RAB3GAP2: variants seen among roughly 807,000 people sequenced by gnomAD.
RAB3GAP2 encodes rab3 GTPase-activating protein non-catalytic subunit.
In RAB3GAP2, 87 loss-of-function variants were observed where a neutral mutation model predicts 185.3. The observed-to-expected ratio is 0.47, with a 90% CI of 0.39 to 0.56. The LOEUF is 0.56. Ranked by LOEUF, RAB3GAP2 falls within the 20% of genes least tolerant of loss-of-function variation. The pLI, the probability that RAB3GAP2 is intolerant of heterozygous loss-of-function variation, is 0.00. For missense variants in RAB3GAP2, 1,492 were observed against 1,638.2 expected (o/e 0.91, Z 1.54); for synonymous variants, 554 against 576.1 (o/e 0.96, Z 0.55).
At chr1:220,256,958 C>T (rs912859679) in intron 1 of RAB3GAP2, among the ~76,000 whole-genome samples, 5 of 152,196 alleles carry the variant, frequency 3.3e-5, no homozygotes, top group South Asian at 2.1e-4. Context: ...TTTCTCACCA[C>T]CACATGACAC....
chr1:220,159,518 G>A (rs1025613771), intron 28 of RAB3GAP2, 97 bp from the exon 29 acceptor site: 15 of 910,454 alleles, frequency 1.6e-5, no homozygotes, highest in African/African-American at 5.1e-5. Flanking sequence ...TTTAAAAACC[G>A]TAAATGGCGC....
intron 2 of RAB3GAP2, among the ~76,000 whole-genome samples, chr1:220,227,945 GT>G (rs1215889861): frequency 6.6e-6 from 1 of 152,162 alleles, no homozygotes; most frequent in African/African-American, 2.4e-5. Flanking sequence ...TAGAGACAGG[GT>G]TTTGCCACGT....
In RAB3GAP2 at chr1:220,210,854, A is replaced by G; in HGVS notation, c.457T>C (p.Trp153Arg). The change falls in exon 6 of 35, where the codon TGG (tryptophan) becomes CGG (arginine). Residue 153 changes from tryptophan (W) to arginine (R), a missense_variant. Physicochemically the swap from Trp to Arg is moderately radical, Grantham distance 101. Transcript: ENST00000358951. ...QKRSSTGRPD[W>R]TCIVVGFTSG... ...GTAAAACCCACCACAATGCAGGTCCAGTCAGGACGCCCAGTGGAACTCCTG... is the reference window on the plus strand; with the variant it reads ...GTAAAACCCACCACAATGCAGGTCCGGTCAGGACGCCCAGTGGAACTCCTG... 6.2e-7 allele frequency: 1 copy of G among 1,613,910 alleles called. No individual in the cohort carries two copies.
At chr1:220,197,366 C>T (rs1000872671) in intron 9 of RAB3GAP2, among the ~76,000 whole-genome samples, 7 of 152,126 alleles carry the variant, frequency 4.6e-5, no homozygotes, top group African/African-American at 1.4e-4. Flanking sequence ...TGCCTGAAAA[C>T]TGTCAAAAAA....
intron 1 of RAB3GAP2, among the ~76,000 whole-genome samples, chr1:220,244,788 T>A (rs1250073471): frequency 6.6e-6 from 1 of 151,912 alleles, no homozygotes; most frequent in African/African-American, 2.4e-5. Flanking sequence ...CAAAGCAGAA[T>A]GACAATGGAT....
At chr1:220,213,365 C>T (rs77635521) in intron 3 of RAB3GAP2, among the ~76,000 whole-genome samples, 10,475 of 152,072 alleles carry the variant, frequency 0.069, 480 homozygotes, top group South Asian at 0.12. Flanking sequence ...ATTTTACACA[C>T]AATCTTACTT....
intron 1 of RAB3GAP2, among the ~76,000 whole-genome samples, chr1:220,241,406 CTT>C (rs1659694635): frequency 6.6e-6 from 1 of 151,920 alleles, no homozygotes; most frequent in Admixed American, 6.6e-5. Flanking sequence ...AATAAAAGAT[CTT>C]AGTACAGAAG....
At chr1:220,234,045 A>G (rs1378624689) in intron 1 of RAB3GAP2, among the ~76,000 whole-genome samples, 1 of 152,198 alleles carries the variant, frequency 6.6e-6, no homozygotes, top group South Asian at 2.1e-4. Flanking sequence ...TCAAATCCTG[A>G]TCTAGCACTT....
chr1:220,255,243 T>G (rs978704342), intron 1 of RAB3GAP2, among the ~76,000 whole-genome samples: 28 of 148,958 alleles, frequency 1.9e-4, no homozygotes, highest in African/African-American at 6.9e-4. Context: ...AACAACAACA[T>G]GAACAAAAAA....
chr1:220,213,721 G>A (rs1353044968), intron 3 of RAB3GAP2, 135 bp downstream of exon 3: 14 of 792,838 alleles, frequency 1.8e-5, no homozygotes, highest in South Asian at 6.5e-5. Context: ...GGGAGGGGGC[G>A]GAGGAGGAGT....
At chr1:220,173,853 T>A (rs1658226641) in intron 21 of RAB3GAP2, among the ~76,000 whole-genome samples, 1 of 151,830 alleles carries the variant, frequency 6.6e-6, no homozygotes, top group Admixed American at 6.6e-5. Flanking sequence ...ACCCCATCTC[T>A]ACTAAAAATA....
chr1:220,191,142 T>G lies in RAB3GAP2; in HGVS notation c.1413A>C (p.Arg471Ser). Residue 471 changes from arginine to serine, a missense_variant, in exon 14 of 35, where the codon AGA becomes AGC. Physicochemically the swap from Arg to Ser is moderately radical, Grantham distance 110. Coordinates refer to ENST00000358951, the MANE Select transcript of RAB3GAP2 (RefSeq NM_012414.4). Reference protein sequence around the residue: ...VAQFLVIYAPRRGILEVWSTQ... With the variant: ...VAQFLVIYAPSRGILEVWSTQ... ...TGCTCCACACTTCTAAAATTCCCCT[T>G]CTTGGCGCATAGATCACAAGGAATT... 1 of 1,614,048 alleles carries G rather than the reference T, an allele frequency of 6.2e-7. No homozygotes were observed. Among genetic ancestry groups the G allele is most frequent in the South Asian group, 1.1e-5 (1 of 91,076 alleles).
At chr1:220,223,117 A>G (rs1659337992) in intron 2 of RAB3GAP2, among the ~76,000 whole-genome samples, 1 of 152,170 alleles carries the variant, frequency 6.6e-6, no homozygotes, top group Non-Finnish European at 1.5e-5. Flanking sequence ...GTGCAATCAC[A>G]GCTCACTGCA....
chr1:220,202,191 T>G, intron 9 of RAB3GAP2, 85 bp downstream of exon 9: 1 of 1,395,154 alleles, frequency 7.2e-7, no homozygotes, highest in Non-Finnish European at 9.7e-7. Context: ...AAATAAAGAA[T>G]AAATGCCCAT....
chr1:220,191,405 A>AT (rs1248444619), intron 13 of RAB3GAP2, 121 bp from the exon 14 acceptor site: 3 of 680,246 alleles, frequency 4.4e-6, no homozygotes, highest in Non-Finnish European at 7.7e-6. Flanking sequence ...ATAAAAGTAT[A>AT]TTTTTTATTA....
rs1658494782 is a variant in RAB3GAP2, at chr1:220,185,678, T to A, written c.1843A>T (p.Thr615Ser). 6.2e-7 allele frequency: 1 copy of A among 1,612,030 alleles called. No homozygotes were observed. The highest frequency in any genetic ancestry group is 1.7e-5 in the Admixed American group (1 of 59,936). ...PFSCLRNITQ[T>S]LMDTLKSQEL... Reference sequence around the variant, plus strand: ...TGACTTTTTAAAGTGTCCATTAAAGTCTGAGTGATGTTTCTAAGGCAAGAA... The same window carrying A: ...TGACTTTTTAAAGTGTCCATTAAAGACTGAGTGATGTTTCTAAGGCAAGAA... Residue 615 changes from threonine (T) to serine (S), a missense_variant, in exon 18 of 35, where the codon ACT (threonine) becomes TCT (serine). Physicochemically the swap from Thr to Ser is moderately conservative, Grantham distance 58. Transcript: ENST00000358951.
At chr1:220,230,364 G>T (rs951891828) in intron 2 of RAB3GAP2, among the ~76,000 whole-genome samples, 5 of 152,216 alleles carry the variant, frequency 3.3e-5, no homozygotes, top group African/African-American at 1.2e-4. Context: ...GCAGCAACCA[G>T]TCAGTCTTAG....
rs1558177176 is a variant in RAB3GAP2, at chr1:220,267,880, C to T, written c.115+4343G>A. 4 of 855,352 alleles carry T rather than the reference C, an allele frequency of 4.7e-6. No homozygotes were observed. In the Admixed American group the frequency reaches 6.9e-5, roughly 15 times the overall value. The allele number at this position is 855,352 out of a possible 1,614,324, so 53.0% of individuals were successfully genotyped here. ...CCTCCAACTGGAGTTTTAGCCTCAA[C>T]AGGCCCTGAAATGCAGTTTTCTTCA... On this transcript the variant is annotated intron_variant, in intron 1 of 34. Coordinates refer to ENST00000358951, the MANE Select transcript of RAB3GAP2 (RefSeq NM_012414.4).
rs1658331147 is a variant in RAB3GAP2, at chr1:220,178,153, T to TA, written c.2310+4103dup. On this transcript the variant is annotated intron_variant, in intron 21 of 34. Coordinates refer to ENST00000358951, the MANE Select transcript of RAB3GAP2 (RefSeq NM_012414.4). ...GAGTGGGGCAGTATGTTCAGAGTGT[T>TA]AAAGGAAAAAAACTGCCACCTAAAA... is the stretch of plus-strand genomic sequence containing the variant. 3.3e-5 allele frequency among the ~76,000 whole-genome samples: 5 copies of TA among 152,246 alleles called. 1 individual carries two copies. The South Asian group carries it at 1.0e-3, about 32-fold the overall frequency.
Sources: gnomAD v4.1 joint callset for allele counts (sites outside exome capture counted in the v4.1 genomes callset) on GRCh38, gnomAD v4.1.1 for gene constraint, MANE v1.5 for transcripts, NCBI Gene and HGNC (gene_info 2026-07-23, HGNC 2026-07-21) for gene names.